TESK1: variants seen among roughly 807,000 people sequenced by gnomAD.
The protein encoded by TESK1 is testis associated actin remodelling kinase 1, also known as dual specificity testis-specific protein kinase 1.
In TESK1, 18 loss-of-function variants were observed where a neutral mutation model predicts 59.9. That is an observed-to-expected ratio of 0.30 (90% CI 0.21 to 0.45). The LOEUF is 0.45. Ranked by LOEUF, TESK1 falls within the 20% of genes least tolerant of loss-of-function variation. The pLI, the probability that TESK1 is intolerant of heterozygous loss-of-function variation, is 1.00. For synonymous variants in TESK1, 341 were observed against 357.4 expected (o/e 0.95, Z 0.52); for missense variants, 748 against 840.9 (o/e 0.89, Z 1.37).
chr9:35,606,093 C>G lies in TESK1; in HGVS notation c.329C>G (p.Pro110Arg). The change falls in exon 2 of 10, where the codon CCC becomes CGC. Residue 110 changes from proline to arginine, a missense_variant. Around this residue, in one of 3 missense-constraint regions of TESK1, gnomAD observed 168 missense variants for 257.4 expected, o/e 0.65. Coordinates refer to ENST00000336395, the MANE Select transcript of TESK1 (RefSeq NM_006285.3). ...CAGCTGATGAACCGGCTCAGGCACC[C>G]CAACATCCTAAGGTGAGCGGCCCCA... ...EVQLMNRLRHPNILRFMGVCV... is the reference protein window; with the variant it reads ...EVQLMNRLRHRNILRFMGVCV... 6.2e-7 allele frequency: 1 copy of G among 1,614,194 alleles called. No individual in the cohort carries two copies. Among genetic ancestry groups the G allele is most frequent in the Non-Finnish European group, 8.5e-7 (1 of 1,180,020 alleles).
rs777802624 is a variant in TESK1 at position 35,605,775 on chromosome 9, G to T, written c.156G>T (p.Ala52=). ...TCCGCAGCGCCGTGTCTAGCCTGGC[G>T]CGTGTGGACGATTTTCACTGCGCGG... ...RALRSAVSSL[A]RVDDFHCAEK... is the part of the protein sequence containing the mutation. The change falls in exon 1 of 10, where the codon GCG becomes GCT. Residue 52 remains alanine (A), a synonymous_variant. Coordinates refer to ENST00000336395, the MANE Select transcript of TESK1 (RefSeq NM_006285.3). 6.2e-7 allele frequency: 1 copy of T among 1,610,710 alleles called. No individual in the cohort carries two copies. Among genetic ancestry groups the T allele is most frequent in the Non-Finnish European group, 8.5e-7 (1 of 1,179,074 alleles).
intron 3 of TESK1, 113 bp downstream of exon 3, chr9:35,606,398 T>C: frequency 7.6e-7 from 1 of 1,323,442 alleles, no homozygotes; most frequent in Admixed American, 1.8e-5. Context: ...CAGGATCTCC[T>C]CTCAGGGGAG....
chr9:35,605,994 G>C lies in TESK1; in HGVS notation c.230G>C (p.Arg77Pro). ...FFSEVYKVRH[R>P]QSGQVMVLKM... ...TGCTCCTGCCCCCAGGTTCGGCACC[G>C]ACAGTCAGGGCAAGTCATGGTGCTG... Residue 77 changes from arginine to proline, a missense_variant, in exon 2 of 10, where the codon CGA becomes CCA. By Grantham distance (103) the Arg-to-Pro change is moderately radical. Around this residue, in one of 3 missense-constraint regions of TESK1, gnomAD observed 133 missense variants for 117.4 expected, o/e 1.13. Transcript: ENST00000336395. 1 of 1,613,888 alleles carries C rather than the reference G, an allele frequency of 6.2e-7. No homozygotes were observed. The highest frequency in any genetic ancestry group is 8.5e-7 in the Non-Finnish European group (1 of 1,179,980).
At position 35,608,519 on chromosome 9, in the gene TESK1, C is replaced by A. The variant is rs201929074; in HGVS notation, c.1000+10C>A. 3.1e-5 allele frequency: 50 copies of A among 1,611,542 alleles called. No individual in the cohort carries two copies. Reference sequence around the variant, plus strand: ...CTGACACACAATCAGGGTAAGGGAGCCTGACCTTGATCCAGCTTGAGTCCT... The same window carrying A: ...CTGACACACAATCAGGGTAAGGGAGACTGACCTTGATCCAGCTTGAGTCCT... On this transcript the variant is annotated intron_variant, in intron 9 of 9. Transcript: ENST00000336395.
At position 35,607,602 on chromosome 9, in the gene TESK1, C is replaced by T. The variant is rs762652530; in HGVS notation, c.641C>T (p.Pro214Leu). ...TGCAGGGAGGGGGCAAGGAAGGAGC[C>T]ATTGGCCGTGGTGGGCTCCCCATAC... is the stretch of plus-strand genomic sequence containing the variant. ...PVYREGARKE[P>L]LAVVGSPYWM... Residue 214 changes from proline to leucine, a missense_variant, in exon 6 of 10, where the codon CCA (proline) becomes CTA (leucine). Pro to Leu is a moderately conservative substitution (Grantham distance 98, BLOSUM62 -3). Coordinates refer to ENST00000336395, the MANE Select transcript of TESK1 (RefSeq NM_006285.3). This position sits in a 1 kb window ranked among gnomAD's most constrained non-coding sequence, Gnocchi z 4.5. 1.4e-5 allele frequency: 23 copies of T among 1,613,812 alleles called. No individual in the cohort carries two copies. The highest frequency in any genetic ancestry group is 1.9e-5 in the Non-Finnish European group (22 of 1,179,888).
rs755084575 is a variant in TESK1, at chr9:35,606,228, C to T, written c.342-9C>T. The T allele has an allele frequency of 1.9e-5, 30 of 1,614,192 alleles. No homozygotes were observed. The Admixed American group carries it at 3.8e-4, about 21-fold the overall frequency. ...AGCCTATCCTTCTATCTTCCCCATC[C>T]TCTTGCAGGTTCATGGGAGTCTGTG... On this transcript the variant is annotated splice_polypyrimidine_tract_variant and intron_variant, in intron 2 of 9. Coordinates refer to ENST00000336395, the MANE Select transcript of TESK1 (RefSeq NM_006285.3).
Position 35,608,974 on chromosome 9 carries a change from G to A in TESK1, c.1113G>A (p.Trp371Ter), listed in dbSNP as rs1447126264. 1.9e-6 allele frequency: 3 copies of A among 1,614,014 alleles called. No homozygotes were observed. Among genetic ancestry groups the A allele is most frequent in the Non-Finnish European group, 2.5e-6 (3 of 1,180,022 alleles). Residue 371 changes from tryptophan (W) to a stop codon, truncating the protein, a stop_gained, in exon 10 of 10, where the codon TGG becomes TGA. Coordinates refer to ENST00000336395, the MANE Select transcript of TESK1 (RefSeq NM_006285.3). LOFTEE classifies it high-confidence loss of function. ...LPPSPESPPN[W>*]GDNLTRVNPF... ...CATCACCAGAATCACCCCCCAACTG[G>A]GGGGACAATCTGACTCGAGTCAACC...
Position 35,608,614 on chromosome 9 carries a change from G to A in TESK1, c.1000+105G>A, listed in dbSNP as rs940970635. 2.6e-6 allele frequency: 3 copies of A among 1,139,946 alleles called. No individual in the cohort carries two copies. In the African/African-American group the frequency reaches 4.6e-5, roughly 18 times the overall value. The allele number at this position is 1,139,946 out of a possible 1,614,324, so 70.6% of individuals were successfully genotyped here. A position where few individuals can be genotyped will look rare whatever the true frequency, so the allele number is the denominator to read the frequency against. On this transcript the variant is annotated intron_variant, in intron 9 of 9. Coordinates refer to ENST00000336395, the MANE Select transcript of TESK1 (RefSeq NM_006285.3). ...CTAAGTATATTTATTAGTTGAAAAG[G>A]CTGGGGGTCGGGCTGGGGTAGGGTG...
At position 35,607,586 on chromosome 9, in the gene TESK1, G is replaced by A; in HGVS notation, c.625G>A (p.Gly209Arg). 6.2e-7 allele frequency: 1 copy of A among 1,613,706 alleles called. No individual in the cohort carries two copies. Among genetic ancestry groups the A allele is most frequent in the Non-Finnish European group, 8.5e-7 (1 of 1,179,732 alleles). ...ACTCTGCCCCTGCCCCTGCAGGGAG[G>A]GGGCAAGGAAGGAGCCATTGGCCGT... ...LAEKIPVYRE[G>R]ARKEPLAVVG... Residue 209 changes from glycine (G) to arginine (R), a missense_variant, in exon 6 of 10, where the codon GGG becomes AGG. This residue lies in a region of TESK1 where 168 missense variants were observed against 257.4 expected (regional missense o/e 0.65). Transcript: ENST00000336395. The surrounding 1 kb of genome is among the most constrained non-coding windows in gnomAD (Gnocchi z 4.5).
chr9:35,609,320 C>T lies in TESK1; in HGVS notation c.1459C>T (p.Pro487Ser), dbSNP rs1471438248. 1 of 1,613,920 alleles carries T rather than the reference C, an allele frequency of 6.2e-7. No individual in the cohort carries two copies. Among genetic ancestry groups the T allele is most frequent in the South Asian group, 1.1e-5 (1 of 91,072 alleles). ...PEPPGPAPQL[P>S]LAVATDNFIS... is the part of the protein sequence containing the mutation. ...ACCTCCAGGGCCAGCGCCCCAGCTG[C>T]CTCTGGCTGTGGCCACAGACAACTT... The change falls in exon 10 of 10, where the codon CCT (proline) becomes TCT (serine). Residue 487 changes from proline to serine, a missense_variant. Pro to Ser is a moderately conservative substitution (Grantham distance 74, BLOSUM62 -1). Coordinates refer to ENST00000336395, the MANE Select transcript of TESK1 (RefSeq NM_006285.3). The surrounding 1 kb of genome is among the most constrained non-coding windows in gnomAD (Gnocchi z 6.7).
chr9:35,608,134 G>A, intron 7 of TESK1, 26 bp from the exon 8 acceptor site: 2 of 1,613,040 alleles, frequency 1.2e-6, no homozygotes, highest in Non-Finnish European at 1.7e-6. Context: ...AAGCTGACTT[G>A]GAGGTCCCTC....
intron 9 of TESK1, among the ~76,000 whole-genome samples, 164 bp downstream of exon 9, chr9:35,608,673 C>T (rs1822899091): frequency 6.6e-6 from 1 of 152,076 alleles, no homozygotes; most frequent in South Asian, 2.1e-4. Flanking sequence ...TTTCCTAATG[C>T]TAAAGCTTGA....
Position 35,607,012 on chromosome 9 carries a change from A to G in TESK1, c.537+29A>G, listed in dbSNP as rs1822863559. 6.4e-7 allele frequency: 1 copy of G among 1,552,178 alleles called. No individual in the cohort carries two copies. Among genetic ancestry groups the G allele is most frequent in the Admixed American group, 1.9e-5 (1 of 51,526 alleles). Reference sequence around the variant, plus strand: ...GGCTAGCAGGGTGGGTGGAGACATGAAAGAGGGTTTGAGGCTATTAGGTTG... The same window carrying G: ...GGCTAGCAGGGTGGGTGGAGACATGGAAGAGGGTTTGAGGCTATTAGGTTG... On this transcript the variant is annotated intron_variant, in intron 4 of 9. Coordinates refer to ENST00000336395, the MANE Select transcript of TESK1 (RefSeq NM_006285.3). This position sits in a 1 kb window ranked among gnomAD's most constrained non-coding sequence, Gnocchi z 4.5.
chr9:35,607,825 C>CT lies in TESK1; in HGVS notation c.712-102dup, dbSNP rs1587896018. On this transcript the variant is annotated intron_variant, in intron 6 of 9. Transcript: ENST00000336395. This position sits in a 1 kb window ranked among gnomAD's most constrained non-coding sequence, Gnocchi z 4.5. Reference sequence around the variant, plus strand: ...CAGGCACCCTTCTAACACATGAAAACTGTCAAGATCCCCCACCCTCAACCA... The same window carrying CT: ...CAGGCACCCTTCTAACACATGAAAACTTGTCAAGATCCCCCACCCTCAACCA... The CT allele has an allele frequency of 1.5e-6, 2 of 1,373,602 alleles. No individual in the cohort carries two copies. Among genetic ancestry groups the CT allele is most frequent in the East Asian group, 4.7e-5 (2 of 42,902 alleles). The allele number at this position is 1,373,602 out of a possible 1,614,324, so 85.1% of individuals were successfully genotyped here. A position where few individuals can be genotyped will look rare whatever the true frequency, so the allele number is the denominator to read the frequency against.
chr9:35,607,566 G>A lies in TESK1; in HGVS notation c.621-16G>A. 1 of 1,607,178 alleles carries A rather than the reference G, an allele frequency of 6.2e-7. No homozygotes were observed. The highest frequency in any genetic ancestry group is 8.5e-7 in the Non-Finnish European group (1 of 1,173,944). On this transcript the variant is annotated splice_polypyrimidine_tract_variant and intron_variant, in intron 5 of 9. Coordinates refer to ENST00000336395, the MANE Select transcript of TESK1 (RefSeq NM_006285.3). The surrounding 1 kb of genome is among the most constrained non-coding windows in gnomAD (Gnocchi z 4.5). ...TGAATAGGATGCTTCTGACCACTCT[G>A]CCCCTGCCCCTGCAGGGAGGGGGCA... is the stretch of plus-strand genomic sequence containing the variant.
chr9:35,606,256 C>T lies in TESK1; in HGVS notation c.361C>T (p.His121Tyr). The change falls in exon 3 of 10, where the codon CAC becomes TAC. Residue 121 changes from histidine (H) to tyrosine (Y), a missense_variant. This residue lies in a region of TESK1 where 168 missense variants were observed against 257.4 expected (regional missense o/e 0.65). Transcript: ENST00000336395. The part of the protein sequence containing the change: ...NILRFMGVCV[H>Y]QGQLHALTEY... ...TTGCAGGTTCATGGGAGTCTGTGTGCACCAGGGACAGCTGCACGCTCTTAC... is the reference window on the plus strand; with the variant it reads ...TTGCAGGTTCATGGGAGTCTGTGTGTACCAGGGACAGCTGCACGCTCTTAC... 6.2e-7 allele frequency: 1 copy of T among 1,614,120 alleles called. No homozygotes were observed. Among genetic ancestry groups the T allele is most frequent in the Non-Finnish European group, 8.5e-7 (1 of 1,180,018 alleles).
rs755890490 is a variant in TESK1 at position 35,605,774 on chromosome 9, C to T, written c.155C>T (p.Ala52Val). 2.5e-6 allele frequency: 4 copies of T among 1,610,510 alleles called. No individual in the cohort carries two copies. The highest frequency in any genetic ancestry group is 3.4e-6 in the Non-Finnish European group (4 of 1,179,002). The change falls in exon 1 of 10, where the codon GCG (alanine) becomes GTG (valine). Residue 52 changes from alanine to valine, a missense_variant. Physicochemically the swap from Ala to Val is moderately conservative, Grantham distance 64. Around this residue, in one of 3 missense-constraint regions of TESK1, gnomAD observed 133 missense variants for 117.4 expected, o/e 1.13. Coordinates refer to ENST00000336395, the MANE Select transcript of TESK1 (RefSeq NM_006285.3). ...CTCCGCAGCGCCGTGTCTAGCCTGG[C>T]GCGTGTGGACGATTTTCACTGCGCG... ...RALRSAVSSL[A>V]RVDDFHCAEK...
chr9:35,609,120 C>A lies in TESK1; in HGVS notation c.1259C>A (p.Thr420Asn). ...CCATCCACTCAGCTGCCCTTGGTGACCACTCCGGAGACCCTGGTCCAGCCT... is the reference window on the plus strand; with the variant it reads ...CCATCCACTCAGCTGCCCTTGGTGAACACTCCGGAGACCCTGGTCCAGCCT... ...PFPSTQLPLV[T>N]TPETLVQPGT... The change falls in exon 10 of 10, where the codon ACC (threonine) becomes AAC (asparagine). Residue 420 changes from threonine (T) to asparagine (N), a missense_variant. This residue lies in a region of TESK1 where 447 missense variants were observed against 466.1 expected (regional missense o/e 0.96). Coordinates refer to ENST00000336395, the MANE Select transcript of TESK1 (RefSeq NM_006285.3). The surrounding 1 kb of genome is among the most constrained non-coding windows in gnomAD (Gnocchi z 6.7). 6.2e-7 allele frequency: 1 copy of A among 1,614,166 alleles called. No homozygotes were observed. The highest frequency in any genetic ancestry group is 8.5e-7 in the Non-Finnish European group (1 of 1,180,040).
Position 35,610,015 on chromosome 9 carries a change from T to G in TESK1, c.*273T>G. 15 of 394,256 alleles carry G rather than the reference T, an allele frequency of 3.8e-5. No homozygotes were observed. Among genetic ancestry groups the G allele is most frequent in the Admixed American group, 4.3e-5 (1 of 23,074 alleles). 24.4% of individuals were successfully genotyped at this position (394,256 alleles called of 1,614,324 possible). A position where few individuals can be genotyped will look rare whatever the true frequency, so the allele number is the denominator to read the frequency against. On this transcript the variant is annotated 3_prime_UTR_variant, in exon 10 of 10. Transcript: ENST00000336395. Reference sequence around the variant, plus strand: ...AAAGATTTCAATAAAACTGCCTGGCTGGCTCCGGGCCGCCCCTATCCGCTC... The same window carrying G: ...AAAGATTTCAATAAAACTGCCTGGCGGGCTCCGGGCCGCCCCTATCCGCTC...
Sources: allele counts gnomAD v4.1 joint callset (sites outside exome capture counted in the v4.1 genomes callset), GRCh38; gene constraint gnomAD v4.1.1; regional missense constraint gnomAD v4.1.1; non-coding constraint Gnocchi (gnomAD v3.1); transcripts MANE v1.5; gene names NCBI Gene and HGNC (gene_info 2026-07-23, HGNC 2026-07-21).